Variants in SLC7A5 observed in about 807,000 individuals in gnomAD.
The protein encoded by SLC7A5 is solute carrier family 7 member 5.
A neutral mutation model predicts 50.2 loss-of-function variants in SLC7A5; 23 were observed. The ratio of observed to expected loss-of-function variants is 0.46; its 90% CI spans 0.33 to 0.65. The LOEUF (loss-of-function observed/expected upper bound fraction) is 0.65, where lower values mean the gene tolerates loss of function less well. Among genes scored for constraint, SLC7A5 ranks in the 30% least tolerant of loss-of-function variants. The pLI is 0.02. For missense variants in SLC7A5, 578 were observed against 684.4 expected, an observed-to-expected ratio of 0.84 and a Z score of 1.73; for synonymous variants, 393 against 330.6, an observed-to-expected ratio of 1.19 and a Z score of -2.05.
At position 87,853,969 on chromosome 16, in the gene SLC7A5, C is replaced by A. The variant is rs1222520142; in HGVS notation, c.539-2120G>T. The A allele has an allele frequency of 6.6e-6, 1 of 152,438 alleles. No homozygotes were observed. Among genetic ancestry groups the A allele is most frequent in the Non-Finnish European group, 1.5e-5 (1 of 68,386 alleles). 9.4% of individuals were successfully genotyped at this position (152,438 alleles called of 1,614,324 possible). ...GGTCCAGGAAGGGCAGCGAGTTGCC[C>A]AGAATTGCCCAACCACGGGCTGTCC... On this transcript the variant is annotated intron_variant, in intron 1 of 9. Coordinates refer to ENST00000261622, the MANE Select transcript of SLC7A5 (RefSeq NM_003486.7). The surrounding 1 kb of genome is among the most constrained non-coding windows in gnomAD (Gnocchi z 4.4).
intron 4 of SLC7A5, 34 bp from the exon 5 acceptor site, chr16:87,839,859 C>G: frequency 6.2e-7 from 1 of 1,612,802 alleles, no homozygotes; most frequent in Non-Finnish European, 8.5e-7. Context: ...TCACCCAACG[C>G]AGCCCGGGCT....
Position 87,841,042 on chromosome 16 carries a change from G to A in SLC7A5, c.770+8C>T, listed in dbSNP as rs1316788542. ...CAGACCAAGGGACCCAGACATTCCA[G>A]AACCTACCATCCTCCATAGGCAAAG... On this transcript the variant is annotated splice_region_variant and intron_variant, in intron 3 of 9. Transcript: ENST00000261622. This position sits in a 1 kb window ranked among gnomAD's most constrained non-coding sequence, Gnocchi z 4.8. 6.3e-7 allele frequency: 1 copy of A among 1,599,994 alleles called. No homozygotes were observed. The highest frequency in any genetic ancestry group is 8.6e-7 in the Non-Finnish European group (1 of 1,167,454).
intron 1 of SLC7A5, among the ~76,000 whole-genome samples, chr16:87,865,241 G>T (rs1004769747): frequency 2.0e-5 from 3 of 151,872 alleles, no homozygotes; most frequent in African/African-American, 7.3e-5. Context: ...CACACACACA[G>T]GTGGGTCAGA....
chr16:87,839,890 A>G, intron 4 of SLC7A5, 65 bp from the exon 5 acceptor site: 1 of 1,608,426 alleles, frequency 6.2e-7, no homozygotes, highest in Non-Finnish European at 8.5e-7. Context: ...CCCTGTGCCC[A>G]GGAGCCAGGT....
At chr16:87,847,801 G>C (rs1211469702) in intron 2 of SLC7A5, among the ~76,000 whole-genome samples, 2 of 152,150 alleles carry the variant, frequency 1.3e-5, no homozygotes, top group African/African-American at 2.4e-5. Context: ...GAGTCTAAGG[G>C]GCCCTACTAG....
intron 1 of SLC7A5, among the ~76,000 whole-genome samples, chr16:87,864,747 T>C (rs1299118225): frequency 2.6e-5 from 4 of 152,240 alleles, no homozygotes; most frequent in East Asian, 1.9e-4. Flanking sequence ...TAGTCAGACG[T>C]GCATTTATTC....
chr16:87,866,809 T>A (rs2055467149), intron 1 of SLC7A5, among the ~76,000 whole-genome samples: 1 of 152,072 alleles, frequency 6.6e-6, no homozygotes, highest in Non-Finnish European at 1.5e-5. Flanking sequence ...ATGACTGATG[T>A]GATTTTTATT....
At chr16:87,838,956 G>T (rs2055047789) in intron 5 of SLC7A5, 139 bp from the exon 6 acceptor site, 4 of 718,318 alleles carry the variant, frequency 5.6e-6, no homozygotes, top group Non-Finnish European at 7.6e-6. Context: ...TCTCAGGCTG[G>T]ATTCTGGCCT....
intron 1 of SLC7A5, among the ~76,000 whole-genome samples, chr16:87,864,495 C>T (rs971644162): frequency 5.9e-5 from 9 of 152,126 alleles, no homozygotes; most frequent in Admixed American, 5.2e-4. Flanking sequence ...TCTCCCTTCC[C>T]GGGACATCCA....
intron 4 of SLC7A5, 48 bp from the exon 5 acceptor site, chr16:87,839,873 G>A: frequency 6.2e-7 from 1 of 1,611,624 alleles, no homozygotes; most frequent in Non-Finnish European, 8.5e-7. Context: ...CCGGGCTGAA[G>A]GCCAAACCCT....
chr16:87,862,284 G>A lies in SLC7A5; in HGVS notation c.538+6601C>T, dbSNP rs539933825. On this transcript the variant is annotated intron_variant, in intron 1 of 9. Coordinates refer to ENST00000261622, the MANE Select transcript of SLC7A5 (RefSeq NM_003486.7). The surrounding 1 kb of genome is among the most constrained non-coding windows in gnomAD (Gnocchi z 5.3). ...CAGCCAGGCAGCCTGAAGACCCTGG[G>A]GCAAAACACACACAGGCCCCCTCTG... is the stretch of plus-strand genomic sequence containing the variant. 1.3e-5 allele frequency among the ~76,000 whole-genome samples: 2 copies of A among 152,122 alleles called. No homozygotes were observed. The highest frequency in any genetic ancestry group is 4.8e-5 in the African/African-American group (2 of 41,412).
intron 1 of SLC7A5, among the ~76,000 whole-genome samples, chr16:87,859,292 C>T (rs980544181): frequency 3.3e-5 from 5 of 152,208 alleles, no homozygotes; most frequent in South Asian, 2.1e-4. Context: ...GGCCCCTACA[C>T]GGTAGCAGGT....
intron 2 of SLC7A5, among the ~76,000 whole-genome samples, chr16:87,848,915 A>AGGCAAGAGGCTGTAT (rs11267756): frequency 2.0e-5 from 3 of 151,754 alleles, no homozygotes; most frequent in African/African-American, 4.9e-5. Flanking sequence ...AGGAGGAAAC[A>AGGCAAGAGGCTGTAT]GGTCAGCCAA....
intron 1 of SLC7A5, among the ~76,000 whole-genome samples, chr16:87,865,848 G>A (rs998511647): frequency 8.5e-5 from 13 of 152,210 alleles, no homozygotes; most frequent in African/African-American, 2.7e-4. Flanking sequence ...CCCGCCGGGT[G>A]CGATGGCTCA....
At chr16:87,848,692 C>T (rs571478641) in intron 2 of SLC7A5, among the ~76,000 whole-genome samples, 1 of 152,342 alleles carries the variant, frequency 6.6e-6, no homozygotes, top group East Asian at 1.9e-4. Flanking sequence ...AAAGGCCCAA[C>T]CCCTCAGAAG....
chr16:87,856,546 G>A (rs2055323555), intron 1 of SLC7A5, among the ~76,000 whole-genome samples: 1 of 152,208 alleles, frequency 6.6e-6, no homozygotes, highest in African/African-American at 2.4e-5. Context: ...TGCAGCCTGT[G>A]GCCCCTAGCG....
chr16:87,867,747 C>T (rs996218982), intron 1 of SLC7A5, among the ~76,000 whole-genome samples: 4 of 152,148 alleles, frequency 2.6e-5, no homozygotes, highest in South Asian at 2.1e-4. Context: ...ATTGCCAAGA[C>T]CCACCTTCCC....
Position 87,864,562 on chromosome 16 carries a change from A to C in SLC7A5, c.538+4323T>G, listed in dbSNP as rs539356821. ...CTGAGAATCAGCTTGGAGTTCTACC[A>C]GCCTCAGCAAAGCCCACCTCTGCGA... On this transcript the variant is annotated intron_variant, in intron 1 of 9. Transcript: ENST00000261622. Among the ~76,000 whole-genome samples, 161 of 152,266 alleles carry C rather than the reference A, an allele frequency of 1.1e-3. 1 individual carries two copies. The highest frequency in any genetic ancestry group is 3.5e-3 in the African/African-American group (147 of 41,548).
chr16:87,834,175 G>C (rs1183090762), intron 9 of SLC7A5, among the ~76,000 whole-genome samples: 1 of 152,190 alleles, frequency 6.6e-6, no homozygotes, highest in Admixed American at 6.5e-5. Flanking sequence ...TTTGTTACTT[G>C]GCAGCAGTAG....
Sources: gnomAD v4.1 joint callset for allele counts (sites outside exome capture counted in the v4.1 genomes callset) on GRCh38, gnomAD v4.1.1 for gene constraint, Gnocchi (gnomAD v3.1) non-coding constraint, MANE v1.5 for transcripts, NCBI Gene and HGNC (gene_info 2026-07-23, HGNC 2026-07-21) for gene names.